Variants in FHIT observed in about 807,000 individuals in gnomAD.
FHIT encodes bis(5'-adenosyl)-triphosphatase.
In FHIT, 19 loss-of-function variants were observed where a neutral mutation model predicts 17.9. The observed-to-expected ratio is 1.06, with a 90% CI of 0.74 to 1.56. FHIT has a LOEUF of 1.56. FHIT is among the 40% of genes most tolerant of loss of function. The probability of loss-of-function intolerance (pLI) is 0.00; values close to 1 mark genes in which losing one functional copy is unlikely to be tolerated. For synonymous variants in FHIT, 81 were observed against 69.7 expected (o/e 1.16, Z -0.81); for missense variants, 248 against 189.2 (o/e 1.31, Z -1.82).
intron 5 of FHIT, among the ~76,000 whole-genome samples, chr3:60,235,960 A>T (rs1344115884): frequency 1.3e-5 from 2 of 151,874 alleles, no homozygotes; most frequent in African/African-American, 4.8e-5. Context: ...TTGCTAAAAA[A>T]CCCAGAGGAC....
At chr3:60,422,909 A>G (rs943705037) in intron 5 of FHIT, among the ~76,000 whole-genome samples, 1 of 152,124 alleles carries the variant, frequency 6.6e-6, no homozygotes, top group Non-Finnish European at 1.5e-5. Context: ...TCCTTAATAC[A>G]AATATTTTGT....
intron 2 of FHIT, among the ~76,000 whole-genome samples, chr3:61,155,808 T>C (rs958094141): frequency 6.6e-6 from 1 of 152,202 alleles, no homozygotes; most frequent in Non-Finnish European, 1.5e-5. Context: ...ATAGACCTGC[T>C]TGCAAAGTTG....
intron 4 of FHIT, among the ~76,000 whole-genome samples, chr3:60,587,207 T>C (rs1264276525): frequency 6.6e-6 from 1 of 151,992 alleles, no homozygotes; most frequent in Admixed American, 6.6e-5. Flanking sequence ...TGCAGGGACG[T>C]GGATGAAGCT....
At chr3:60,450,412 C>G (rs1199783586) in intron 5 of FHIT, among the ~76,000 whole-genome samples, 1 of 151,836 alleles carries the variant, frequency 6.6e-6, no homozygotes, top group African/African-American at 2.4e-5. Flanking sequence ...GTATATATAT[C>G]TCTAAGAGCT....
intron 6 of FHIT, among the ~76,000 whole-genome samples, chr3:60,012,736 G>C (rs1030093129): frequency 2.0e-5 from 3 of 152,054 alleles, no homozygotes; most frequent in Admixed American, 2.0e-4. Flanking sequence ...TCTTACTGTA[G>C]GTTACAGTAA....
intron 4 of FHIT, among the ~76,000 whole-genome samples, chr3:60,593,198 A>T (rs1157716431): frequency 6.6e-6 from 1 of 152,060 alleles, no homozygotes; most frequent in African/African-American, 2.4e-5. Context: ...ATACTCTCTC[A>T]CTTTGTACCC....
chr3:60,343,172 C>T (rs746099386), intron 5 of FHIT, among the ~76,000 whole-genome samples: 2 of 151,968 alleles, frequency 1.3e-5, no homozygotes, highest in Non-Finnish European at 2.9e-5. Flanking sequence ...CATAAATTGC[C>T]CTGTGTGAGG....
chr3:59,822,046 A>T (rs1332489700), intron 8 of FHIT, among the ~76,000 whole-genome samples: 1 of 152,100 alleles, frequency 6.6e-6, no homozygotes, highest in Non-Finnish European at 1.5e-5. Flanking sequence ...GAGAACATAC[A>T]ATGTTTGGTT....
intron 5 of FHIT, among the ~76,000 whole-genome samples, chr3:60,329,896 T>C (rs985230405): frequency 6.6e-6 from 1 of 152,198 alleles, no homozygotes; most frequent in Admixed American, 6.5e-5. Context: ...GAAAAAGACT[T>C]GCATCTATAT....
intron 7 of FHIT, among the ~76,000 whole-genome samples, chr3:59,978,040 A>G (rs1475214851): frequency 6.6e-6 from 1 of 152,206 alleles, no homozygotes; most frequent in African/African-American, 2.4e-5. Context: ...GCCAAACACT[A>G]TGCTATGTAT....
chr3:60,857,369 A>G (rs1392126726), intron 3 of FHIT, among the ~76,000 whole-genome samples: 2 of 152,186 alleles, frequency 1.3e-5, no homozygotes, highest in African/African-American at 4.8e-5. Flanking sequence ...TTAGAGCACA[A>G]GCTAAGGTAT....
At chr3:60,727,758 C>CT (rs1553709957) in intron 4 of FHIT, among the ~76,000 whole-genome samples, 1 of 152,220 alleles carries the variant, frequency 6.6e-6, no homozygotes, top group African/African-American at 2.4e-5. Context: ...GATCCCAGCA[C>CT]TTTCGGAGGC....
chr3:60,377,823 T>C (rs534634460), intron 5 of FHIT, among the ~76,000 whole-genome samples: 1 of 152,224 alleles, frequency 6.6e-6, no homozygotes, highest in South Asian at 2.1e-4. Flanking sequence ...AGAGCCTTTC[T>C]TTTTAATCCT....
At chr3:61,187,727 CTG>C (rs2038565129) in intron 2 of FHIT, among the ~76,000 whole-genome samples, 1 of 152,232 alleles carries the variant, frequency 6.6e-6, no homozygotes. Flanking sequence ...TTAGAAGAAA[CTG>C]TCTCTCAGAC....
chr3:60,720,111 T>C (rs578206604), intron 4 of FHIT, among the ~76,000 whole-genome samples: 15 of 152,318 alleles, frequency 9.8e-5, no homozygotes, highest in Admixed American at 3.3e-4. Flanking sequence ...TGCATGATGC[T>C]CCACCTGGTT....
In FHIT at chr3:59,873,331, T is replaced by C. The variant is rs190151670; in HGVS notation, c.348+49015A>G. On this transcript the variant is annotated intron_variant, in intron 8 of 9. Transcript: ENST00000492590. ...ATGGGTAGATGGACAATGTATTTAC[T>C]CATCATTTACTATATGCCTGACATT... Among the ~76,000 whole-genome samples the C allele has an allele frequency of 5.5e-4, 84 of 152,318 alleles. 3 individuals are homozygous for C. The highest frequency in any genetic ancestry group is 1.9e-3 in the African/African-American group (80 of 41,564).
At chr3:60,844,990 A>G (rs1553746062) in intron 3 of FHIT, among the ~76,000 whole-genome samples, 1 of 152,050 alleles carries the variant, frequency 6.6e-6, no homozygotes, top group Non-Finnish European at 1.5e-5. Flanking sequence ...ATTTGTTCTA[A>G]ATTAATAAAT....
At chr3:60,641,767 A>G (rs1292248109) in intron 4 of FHIT, among the ~76,000 whole-genome samples, 1 of 152,170 alleles carries the variant, frequency 6.6e-6, no homozygotes, top group Non-Finnish European at 1.5e-5. Flanking sequence ...CAAAAACCAG[A>G]TTCTGATGGC....
intron 5 of FHIT, among the ~76,000 whole-genome samples, chr3:60,494,812 C>CG (rs1237394888): frequency 1.3e-5 from 2 of 152,152 alleles, no homozygotes; most frequent in Non-Finnish European, 2.9e-5. Flanking sequence ...TGATCTCATT[C>CG]TTTTTTGTGG....
Sources: gnomAD v4.1 joint callset for allele counts (sites outside exome capture counted in the v4.1 genomes callset) on GRCh38, gnomAD v4.1.1 for gene constraint, MANE v1.5 for transcripts, NCBI Gene and HGNC (gene_info 2026-07-23, HGNC 2026-07-21) for gene names.